Variants in NLGN1 observed in about 807,000 individuals in gnomAD.
NLGN1 encodes the protein neuroligin-1.
A neutral mutation model predicts 65.5 loss-of-function variants in NLGN1; 12 were observed. The ratio of observed to expected loss-of-function variants is 0.18; its 90% CI spans 0.12 to 0.30. The LOEUF (loss-of-function observed/expected upper bound fraction) is 0.30. Ranked by LOEUF, NLGN1 falls within the 10% of genes least tolerant of loss-of-function variation. The probability of loss-of-function intolerance (pLI) is 1.00; values close to 1 mark genes in which losing one functional copy is unlikely to be tolerated. For missense variants in NLGN1, 750 were observed against 1,007.1 expected, an observed-to-expected ratio of 0.74 and a Z score of 3.46; for synonymous variants, 350 against 359.5, an observed-to-expected ratio of 0.97 and a Z score of 0.30.
Position 173,535,294 on chromosome 3 carries a change from G to A in NLGN1, c.-320-68985G>A, listed in dbSNP as rs564863271. On this transcript the variant is annotated intron_variant, in intron 2 of 6. Transcript: ENST00000457714. Reference sequence around the variant, plus strand: ...TAGTGTTCCTAATATGGAAAAAACTGTTTGCTCAAGGAAATTTGTTAACAT... The same window carrying A: ...TAGTGTTCCTAATATGGAAAAAACTATTTGCTCAAGGAAATTTGTTAACAT... 1.1e-4 allele frequency among the ~76,000 whole-genome samples: 16 copies of A among 152,252 alleles called. No homozygotes were observed. In the South Asian group the frequency reaches 3.1e-3, roughly 30 times the overall value.
At chr3:174,039,224 A>AAT (rs1005318404) in intron 4 of NLGN1, among the ~76,000 whole-genome samples, 95 of 151,284 alleles carry the variant, frequency 6.3e-4, no homozygotes, top group South Asian at 2.7e-3. Flanking sequence ...CGCAGAACAT[A>AAT]ATATATATAT....
chr3:173,755,573 C>G (rs895032601), intron 3 of NLGN1, among the ~76,000 whole-genome samples: 1 of 152,070 alleles, frequency 6.6e-6, no homozygotes, highest in African/African-American at 2.4e-5. Context: ...GACACTAGGG[C>G]TGCCTTTGGA....
At chr3:174,145,027 T>C (rs942816832) in intron 4 of NLGN1, among the ~76,000 whole-genome samples, 5 of 152,264 alleles carry the variant, frequency 3.3e-5, no homozygotes, top group Admixed American at 6.5e-5. Flanking sequence ...AGGGTTTTTA[T>C]GGTTTTAGGT....
intron 1 of NLGN1, among the ~76,000 whole-genome samples, chr3:173,433,746 G>A (rs1717614327): frequency 6.6e-6 from 1 of 151,822 alleles, no homozygotes; most frequent in Admixed American, 6.6e-5. Context: ...CTATTTAATT[G>A]AGCTCTTCCT....
At chr3:173,797,871 C>T (rs988132286) in intron 3 of NLGN1, among the ~76,000 whole-genome samples, 1 of 152,044 alleles carries the variant, frequency 6.6e-6, no homozygotes, top group Non-Finnish European at 1.5e-5. Flanking sequence ...GACAACAATT[C>T]TCTTACTGTT....
intron 4 of NLGN1, among the ~76,000 whole-genome samples, chr3:174,020,318 G>A (rs1417520719): frequency 6.6e-6 from 1 of 152,044 alleles, no homozygotes; most frequent in African/African-American, 2.4e-5. Context: ...TGAGACTTGA[G>A]CAATAACTGC....
At chr3:173,883,143 T>C (rs1271077149) in intron 4 of NLGN1, among the ~76,000 whole-genome samples, 2 of 151,122 alleles carry the variant, frequency 1.3e-5, no homozygotes, top group East Asian at 3.9e-4. Flanking sequence ...TTTCTCACTA[T>C]GTTTAATCAT....
chr3:174,078,539 T>TA (rs1175948458), intron 4 of NLGN1, among the ~76,000 whole-genome samples: 5 of 151,946 alleles, frequency 3.3e-5, no homozygotes, highest in East Asian at 1.9e-4. Context: ...ATAGACATTT[T>TA]AAAAAAAAGA....
chr3:173,761,291 A>G (rs1021412075), intron 3 of NLGN1, among the ~76,000 whole-genome samples: 1 of 152,038 alleles, frequency 6.6e-6, no homozygotes, highest in Admixed American at 6.6e-5. Context: ...CACTGGAGTG[A>G]CGTCTTATTT....
intron 4 of NLGN1, among the ~76,000 whole-genome samples, chr3:173,983,628 C>T (rs577942502): frequency 4.6e-5 from 7 of 152,186 alleles, no homozygotes; most frequent in East Asian, 1.9e-4. Context: ...GTCTCTGACT[C>T]GTGCCCAGTA....
intron 4 of NLGN1, among the ~76,000 whole-genome samples, chr3:174,014,659 G>A (rs1311901264): frequency 2.0e-5 from 3 of 152,178 alleles, no homozygotes; most frequent in Non-Finnish European, 4.4e-5. Context: ...TCAATGGCAT[G>A]TCATAAAATA....
chr3:173,586,069 A>G (rs1041990807), intron 2 of NLGN1, among the ~76,000 whole-genome samples: 1 of 152,156 alleles, frequency 6.6e-6, no homozygotes, highest in Non-Finnish European at 1.5e-5. Context: ...TATTTGAGGG[A>G]TGTATATAAA....
At chr3:173,699,855 A>G (rs1436765915) in intron 3 of NLGN1, among the ~76,000 whole-genome samples, 2 of 152,210 alleles carry the variant, frequency 1.3e-5, no homozygotes, top group African/African-American at 2.4e-5. Context: ...GTGGGGAGAA[A>G]ATTGCCCACC....
At chr3:173,995,509 G>A (rs12496665) in intron 4 of NLGN1, among the ~76,000 whole-genome samples, 28,837 of 152,034 alleles carry the variant, frequency 0.19, 2,912 homozygotes, top group East Asian at 0.33. Context: ...AATCAAATAT[G>A]TCAAGATGGT....
intron 3 of NLGN1, among the ~76,000 whole-genome samples, chr3:173,765,155 C>T (rs1778589900): frequency 6.8e-6 from 1 of 147,900 alleles, no homozygotes; most frequent in Non-Finnish European, 1.5e-5. Context: ...GATATAATTC[C>T]TTCTTGCTCA....
chr3:174,173,710 TTGTG>T (rs142590328), intron 4 of NLGN1, among the ~76,000 whole-genome samples: 5 of 149,200 alleles, frequency 3.4e-5, no homozygotes, highest in East Asian at 3.9e-4. Flanking sequence ...GTGTGTATGT[TTGTG>T]TGTGTGTGTG....
At chr3:174,045,708 C>T (rs553536559) in intron 4 of NLGN1, among the ~76,000 whole-genome samples, 182 of 152,270 alleles carry the variant, frequency 1.2e-3, no homozygotes, top group South Asian at 5.6e-3. Context: ...AACCAGTATT[C>T]CTCTAAATGG....
intron 1 of NLGN1, among the ~76,000 whole-genome samples, chr3:173,411,138 TGCTGCCTCTTTG>T (rs1174749760): frequency 2.0e-5 from 3 of 152,240 alleles, no homozygotes; most frequent in Non-Finnish European, 4.4e-5. Context: ...AGGGAAGATG[TGCTGCCTCTTTG>T]GCAGAAAAGA....
intron 4 of NLGN1, among the ~76,000 whole-genome samples, chr3:173,833,526 A>T (rs1578688000): frequency 6.6e-6 from 1 of 151,420 alleles, no homozygotes; most frequent in African/African-American, 2.4e-5. Context: ...ATTTTTATTT[A>T]TTTATTTTTT....
Sources: gnomAD v4.1 joint callset for allele counts (sites outside exome capture counted in the v4.1 genomes callset) on GRCh38, gnomAD v4.1.1 for gene constraint, MANE v1.5 for transcripts, NCBI Gene and HGNC (gene_info 2026-07-23, HGNC 2026-07-21) for gene names.